The following TVP23C variants were observed in gnomAD, a reference collection of about 807,000 sequenced individuals.
TVP23C encodes Golgi apparatus membrane protein TVP23 homolog C.
TVP23C carries 19 observed loss-of-function variants against 28.7 expected under a neutral mutation model. The observed-to-expected ratio is 0.66, with a 90% CI of 0.46 to 0.97. The LOEUF (loss-of-function observed/expected upper bound fraction) is 0.97. Among genes scored for constraint, TVP23C ranks in the 50% least tolerant of loss-of-function variants. The pLI is 0.00. For missense variants in TVP23C, 186 were observed against 241.3 expected, an observed-to-expected ratio of 0.77 and a Z score of 1.52; for synonymous variants, 68 against 81.7, an observed-to-expected ratio of 0.83 and a Z score of 0.90.
rs1157485126 is a variant in TVP23C at position 15,539,519 on chromosome 17, C to T, written c.*893G>A. 2 of 588,806 alleles carry T rather than the reference C, an allele frequency of 3.4e-6. No individual in the cohort carries two copies. Among genetic ancestry groups the T allele is most frequent in the South Asian group, 1.5e-4 (2 of 13,204 alleles). 36.5% of individuals were successfully genotyped at this position (588,806 alleles called of 1,614,324 possible). ...TCGGGAGGCTGATGCAGGAGAATGG[C>T]GTGAACCCGGGAGGCGGAGCTTGCA... On this transcript the variant is annotated 3_prime_UTR_variant, in exon 6 of 6. Transcript: ENST00000518321.
At chr17:15,507,190 A>G in intron 5 of TVP23C, 1 of 738,460 alleles carries the variant, frequency 1.4e-6, no homozygotes, top group Non-Finnish European at 2.5e-6. Flanking sequence ...AACGGTTCCT[A>G]ATTTTTCATC....
intron 1 of TVP23C, among the ~76,000 whole-genome samples, chr17:15,559,795 A>C (rs1257360534): frequency 6.7e-6 from 1 of 148,692 alleles, no homozygotes; most frequent in Non-Finnish European, 1.5e-5. Context: ...AATAAAAGGA[A>C]TCAAGGAAGA....
intron 5 of TVP23C, among the ~76,000 whole-genome samples, chr17:15,512,723 A>G (rs762176121): frequency 1.3e-5 from 2 of 152,244 alleles, no homozygotes; most frequent in Middle Eastern, 3.2e-3. Context: ...ACAGATATAT[A>G]GTTCAGATCA....
chr17:15,538,288 C>T lies in TVP23C; in HGVS notation c.*2124G>A. The T allele has an allele frequency of 6.8e-7, 1 of 1,464,834 alleles. No individual in the cohort carries two copies. The highest frequency in any genetic ancestry group is 9.0e-7 in the Non-Finnish European group (1 of 1,108,056). The allele number at this position is 1,464,834 out of a possible 1,614,324, so 90.7% of individuals were successfully genotyped here. Reference sequence around the variant, plus strand: ...TACCTTACATACAATGGCCCAATCACATTAAAAAGTAGACATGCTAGGCTG... The same window carrying T: ...TACCTTACATACAATGGCCCAATCATATTAAAAAGTAGACATGCTAGGCTG... On this transcript the variant is annotated 3_prime_UTR_variant, in exon 6 of 6. Coordinates refer to ENST00000518321, the MANE Select transcript of TVP23C (RefSeq NM_001135036.2).
chr17:15,515,521 A>C (rs188174158), intron 5 of TVP23C, among the ~76,000 whole-genome samples: 2 of 152,304 alleles, frequency 1.3e-5, no homozygotes, highest in Admixed American at 1.3e-4. Context: ...ATGAAAAATG[A>C]ACTACACGAG....
intron 5 of TVP23C, among the ~76,000 whole-genome samples, chr17:15,508,878 C>A (rs911524305): frequency 1.3e-5 from 2 of 152,198 alleles, no homozygotes; most frequent in Admixed American, 6.5e-5. Flanking sequence ...CTAGACAGCA[C>A]CCTGGTAAAC....
At chr17:15,517,167 CTACCCTTTCCGCCTCCCTGT>C (rs1211038687) in intron 5 of TVP23C, among the ~76,000 whole-genome samples, 5 of 152,222 alleles carry the variant, frequency 3.3e-5, no homozygotes, top group Non-Finnish European at 7.3e-5. Flanking sequence ...ACTTGGCTGT[CTACCCTTTCCGCCTCCCTGT>C]CACCCCCCAA....
chr17:15,542,600 C>T (rs966123869), intron 5 of TVP23C, among the ~76,000 whole-genome samples: 2 of 152,156 alleles, frequency 1.3e-5, no homozygotes, highest in African/African-American at 4.8e-5. Flanking sequence ...CCTCAGCCTC[C>T]CGAGTAACTG....
intron 5 of TVP23C, among the ~76,000 whole-genome samples, chr17:15,544,636 T>C (rs1457894577): frequency 6.6e-6 from 1 of 152,022 alleles, no homozygotes; most frequent in Non-Finnish European, 1.5e-5. Flanking sequence ...AAAGAAACCA[T>C]ATTAGCGTAA....
At chr17:15,530,311 G>A (rs1234485631) in intron 5 of TVP23C, among the ~76,000 whole-genome samples, 1 of 151,530 alleles carries the variant, frequency 6.6e-6, no homozygotes, top group East Asian at 1.9e-4. Flanking sequence ...TATTTTTTGA[G>A]TTTTTTTTCC....
chr17:15,536,097 G>T (rs1288907890), downstream of TVP23C, among the ~76,000 whole-genome samples: 1 of 152,092 alleles, frequency 6.6e-6, no homozygotes, highest in Non-Finnish European at 1.5e-5. Flanking sequence ...GGCTGAGGCA[G>T]GAGAATCACT....
chr17:15,527,766 T>G (rs1982787155), intron 5 of TVP23C, among the ~76,000 whole-genome samples: 1 of 152,026 alleles, frequency 6.6e-6, no homozygotes, highest in African/African-American at 2.4e-5. Context: ...CAAATACAAG[T>G]TCTTAATGAT....
intron 5 of TVP23C, among the ~76,000 whole-genome samples, chr17:15,520,811 T>C (rs1365847910): frequency 6.6e-6 from 1 of 152,036 alleles, no homozygotes; most frequent in Non-Finnish European, 1.5e-5. Flanking sequence ...TAAAAAAACA[T>C]GAAGATTGGA....
chr17:15,502,754 CTT>C (rs1203485424), exon 6 of TVP23C: 8 of 1,390,406 alleles, frequency 5.8e-6, no homozygotes, highest in East Asian at 5.2e-5. Flanking sequence ...TCTCCCGTCT[CTT>C]TCTCTCCTTC....
downstream of TVP23C, among the ~76,000 whole-genome samples, chr17:15,533,590 G>A (rs928723588): frequency 4.6e-5 from 7 of 152,090 alleles, no homozygotes; most frequent in East Asian, 1.9e-4. Context: ...ACGTCCACCC[G>A]TCAGAGATCA....
intron 5 of TVP23C, among the ~76,000 whole-genome samples, chr17:15,505,493 C>T (rs929594276): frequency 2.0e-5 from 3 of 152,182 alleles, no homozygotes; most frequent in East Asian, 1.9e-4. Context: ...CAGATACCAC[C>T]GCCACCGGGA....
At chr17:15,519,706 C>G (rs1982390443) in intron 5 of TVP23C, among the ~76,000 whole-genome samples, 1 of 152,014 alleles carries the variant, frequency 6.6e-6, no homozygotes, top group African/African-American at 2.4e-5. Flanking sequence ...GTCAGAACAT[C>G]CAGACCATCC....
At chr17:15,519,633 A>G (rs1007644136) in intron 5 of TVP23C, among the ~76,000 whole-genome samples, 1 of 152,170 alleles carries the variant, frequency 6.6e-6, no homozygotes, top group Non-Finnish European at 1.5e-5. Flanking sequence ...GTTGGTGGCC[A>G]GGCGCGGTGG....
intron 4 of TVP23C, among the ~76,000 whole-genome samples, chr17:15,546,312 G>GAA (rs996837081): frequency 6.7e-6 from 1 of 148,452 alleles, no homozygotes. Context: ...GTCCAGAGGG[G>GAA]AAAAAAAAAA....
Sources: allele counts gnomAD v4.1 joint callset (sites outside exome capture counted in the v4.1 genomes callset), GRCh38; gene constraint gnomAD v4.1.1; transcripts MANE v1.5; gene names NCBI Gene and HGNC (gene_info 2026-07-23, HGNC 2026-07-21).